The following GSAP variants were observed in gnomAD, a reference collection of about 807,000 sequenced individuals.
GSAP encodes gamma-secretase activating protein.
GSAP carries 118 observed loss-of-function variants against 131.7 expected under a neutral mutation model. The observed-to-expected ratio is 0.90, with a 90% CI of 0.77 to 1.04. The LOEUF (loss-of-function observed/expected upper bound fraction) is 1.04. GSAP is among the 50% of genes least tolerant of loss of function. The pLI is 0.00. For synonymous variants in GSAP, 381 were observed against 363.4 expected, an observed-to-expected ratio of 1.05 and a Z score of -0.55; for missense variants, 1,019 against 1,013.2, an observed-to-expected ratio of 1.01 and a Z score of -0.08.
At chr7:77,416,515 TGAGCCG>T (rs556655224), upstream of GSAP, 4 of 406,460 alleles carry the variant, frequency 9.8e-6, no homozygotes, top group South Asian at 6.0e-5. Flanking sequence ...GGCCCGCACC[TGAGCCG>T]GAGCCGGAGC....
rs764896855 is a variant in GSAP at position 77,376,847 on chromosome 7, C to G, written c.741+1G>C. ...GTAGTGTGATCATTTTCTGGACTTACCATTAAGTTATAGCTCTCATCAGCA... is the reference window on the plus strand; with the variant it reads ...GTAGTGTGATCATTTTCTGGACTTAGCATTAAGTTATAGCTCTCATCAGCA... On this transcript the variant is annotated splice_donor_variant, in intron 10 of 30. Transcript: ENST00000257626. LOFTEE classifies it high-confidence loss of function. 2.9e-6 allele frequency: 4 copies of G among 1,385,018 alleles called. No homozygotes were observed. The highest frequency in any genetic ancestry group is 4.0e-6 in the Non-Finnish European group (4 of 996,934). 85.8% of individuals were successfully genotyped at this position (1,385,018 alleles called of 1,614,324 possible).
chr7:77,415,811 A>G (rs1206113690), intron 1 of GSAP: 1 of 179,882 alleles, frequency 5.6e-6, no homozygotes, highest in Non-Finnish European at 1.2e-5. Flanking sequence ...TTCCAGGAGC[A>G]CTCCTGTCTT....
At position 77,312,230 on chromosome 7, in the gene GSAP, C is replaced by T. The variant is rs35791980; in HGVS notation, c.2272-28G>A. The T allele has an allele frequency of 6.4e-5, 72 of 1,120,594 alleles. No individual in the cohort carries two copies. The African/African-American group carries it at 9.0e-4, about 14-fold the overall frequency. 69.4% of individuals were successfully genotyped at this position (1,120,594 alleles called of 1,614,324 possible). Reference sequence around the variant, plus strand: ...ATTATGCAAATTGAAAAAAATGTAGCGAATACCACACACTATATTAAGTAA... The same window carrying T: ...ATTATGCAAATTGAAAAAAATGTAGTGAATACCACACACTATATTAAGTAA... On this transcript the variant is annotated intron_variant, in intron 28 of 30. Coordinates refer to ENST00000257626, the MANE Select transcript of GSAP (RefSeq NM_017439.4).
At chr7:77,319,317 C>A (rs1787297939) in intron 26 of GSAP, among the ~76,000 whole-genome samples, 1 of 152,122 alleles carries the variant, frequency 6.6e-6, no homozygotes, top group South Asian at 2.1e-4. Context: ...CACTAATCAT[C>A]AGGGAAATGC....
At chr7:77,315,887 G>A (rs1794915127) in intron 26 of GSAP, 2 of 152,200 alleles carry the variant, frequency 1.3e-5, no homozygotes, top group African/African-American at 4.8e-5. Flanking sequence ...GAGCAAAACA[G>A]GCACAACTGC....
intron 7 of GSAP, among the ~76,000 whole-genome samples, 181 bp downstream of exon 7, chr7:77,382,393 A>C (rs1401921984): frequency 6.6e-6 from 1 of 152,170 alleles, no homozygotes; most frequent in Admixed American, 6.5e-5. Flanking sequence ...GCCAAAGGGA[A>C]CACCACTTGG....
At chr7:77,392,626 A>G (rs2151104632) in intron 5 of GSAP, among the ~76,000 whole-genome samples, 1 of 152,268 alleles carries the variant, frequency 6.6e-6, no homozygotes, top group East Asian at 1.9e-4. Context: ...TCTGGATACC[A>G]CAAGGAGAGA....
intron 19 of GSAP, among the ~76,000 whole-genome samples, chr7:77,339,169 A>C (rs1310133121): frequency 6.6e-6 from 1 of 152,202 alleles, no homozygotes; most frequent in East Asian, 1.9e-4. Context: ...AGGGTGGGAC[A>C]TGCTCATGCA....
chr7:77,360,336 G>A lies in GSAP; in HGVS notation c.1027+488C>T, dbSNP rs17152288. ...TCCTCATTATACTCAGGTTCCCTTC[G>A]CCATATTTACTCAATGAAAACAACT... On this transcript the variant is annotated intron_variant, in intron 14 of 30. Coordinates refer to ENST00000257626, the MANE Select transcript of GSAP (RefSeq NM_017439.4). Among the ~76,000 whole-genome samples the A allele has an allele frequency of 7.2e-3, 1,095 of 152,126 alleles. 17 individuals carry two copies. The highest frequency in any genetic ancestry group is 0.025 in the African/African-American group (1,025 of 41,490).
At chr7:77,328,420 G>C in intron 22 of GSAP, 186 bp downstream of exon 22, 1 of 1,304,960 alleles carries the variant, frequency 7.7e-7, no homozygotes. Flanking sequence ...GTCCCCGGAG[G>C]TCCTGGTGCC....
intron 14 of GSAP, 107 bp downstream of exon 14, chr7:77,360,717 T>C (rs566781918): frequency 4.6e-6 from 3 of 646,420 alleles, no homozygotes; most frequent in South Asian, 1.8e-5. Flanking sequence ...GTCATCACAA[T>C]CCGAGTCTCA....
intron 5 of GSAP, among the ~76,000 whole-genome samples, chr7:77,395,144 G>C (rs567503181): frequency 8.6e-5 from 13 of 151,486 alleles, no homozygotes; most frequent in Non-Finnish European, 1.5e-4. Context: ...TGTTCTGTGT[G>C]ACAGTCAGGC....
At chr7:77,396,821 T>G (rs1268338967) in intron 5 of GSAP, among the ~76,000 whole-genome samples, 161 bp downstream of exon 5, 1 of 152,186 alleles carries the variant, frequency 6.6e-6, no homozygotes, top group Non-Finnish European at 1.5e-5. Context: ...AAAAAAAATT[T>G]TTTTTAAGTC....
Position 77,330,282 on chromosome 7 carries a change from T to G in GSAP, c.1631A>C (p.Asn544Thr). ...GTGCCACTCTCTCCTGACCACACTG[T>G]TGTTATAGTGGAAGTGTGGCTTGGC... ...KYAKPHFHYN[N>T]SVVRREWHNL... is the part of the protein sequence containing the mutation. The change falls in exon 20 of 31, where the codon AAC becomes ACC. Residue 544 changes from asparagine to threonine, a missense_variant. Asn to Thr is a moderately conservative substitution (Grantham distance 65). Transcript: ENST00000257626. 1 of 1,613,640 alleles carries G rather than the reference T, an allele frequency of 6.2e-7. No homozygotes were observed.
At chr7:77,375,463 T>C (rs1002512116) in intron 10 of GSAP, among the ~76,000 whole-genome samples, 4 of 152,164 alleles carry the variant, frequency 2.6e-5, no homozygotes, top group African/African-American at 9.7e-5. Flanking sequence ...GGCCTGGGTG[T>C]CTTTAGAAGG....
At position 77,360,861 on chromosome 7, in the gene GSAP, C is replaced by A; in HGVS notation, c.990G>T (p.Gly330=). ...KTFTTSLENV[G]SHMTKGITFL... is the part of the protein sequence containing the mutation. Reference sequence around the variant, plus strand: ...AAGTAATGCCCTTTGTCATGTGTGACCCAACATTCTCAAGAGAAGTGGTGA... The same window carrying A: ...AAGTAATGCCCTTTGTCATGTGTGAACCAACATTCTCAAGAGAAGTGGTGA... Residue 330 remains glycine (G), a synonymous_variant, in exon 14 of 31, where the codon GGG becomes GGT. Transcript: ENST00000257626. 1 of 1,600,894 alleles carries A rather than the reference C, an allele frequency of 6.2e-7. No homozygotes were observed.
rs544610718 is a variant in GSAP at position 77,350,557 on chromosome 7, G to A, written c.1492-1153C>T. 9.0e-4 allele frequency among the ~76,000 whole-genome samples: 129 copies of A among 142,606 alleles called. 2 individuals carry two copies. The South Asian group carries it at 0.013, about 14-fold the overall frequency. 93.6% of individuals were successfully genotyped at this position (142,606 alleles called of 152,430 possible). On this transcript the variant is annotated intron_variant, in intron 18 of 30. Coordinates refer to ENST00000257626, the MANE Select transcript of GSAP (RefSeq NM_017439.4). ...TTGAGACCGACCTGGCCAACATGGTGAAACCCCGCTCTACTAAAAAAAAAA... is the reference window on the plus strand; with the variant it reads ...TTGAGACCGACCTGGCCAACATGGTAAAACCCCGCTCTACTAAAAAAAAAA...
intron 23 of GSAP, among the ~76,000 whole-genome samples, chr7:77,325,082 C>G (rs1009210714): frequency 1.2e-4 from 18 of 152,120 alleles, no homozygotes; most frequent in African/African-American, 4.1e-4. Context: ...TCCCAAAGTG[C>G]TGGGATAACA....
At position 77,334,579 on chromosome 7, in the gene GSAP, T is replaced by TAAAAAAAAAAAAAAAAAAAAAA. The variant is rs1200040086; in HGVS notation, c.1546-4213_1546-4212insTTTTTTTTTTTTTTTTTTTTTT. Among the ~76,000 whole-genome samples, 357 of 82,364 alleles carry TAAAAAAAAAAAAAAAAAAAAAA rather than the reference T, an allele frequency of 4.3e-3. 51 individuals are homozygous for TAAAAAAAAAAAAAAAAAAAAAA. Among genetic ancestry groups the TAAAAAAAAAAAAAAAAAAAAAA allele is most frequent in the Non-Finnish European group, 6.5e-3 (276 of 42,568 alleles). The allele number at this position is 82,364 out of a possible 152,430, so 54.0% of individuals were successfully genotyped here. On this transcript the variant is annotated intron_variant, in intron 19 of 30. Transcript: ENST00000257626. ...GCCCATGTATCCTGGAACTTAAAAT[T>TAAAAAAAAAAAAAAAAAAAAAA]TAAAAAAAAAAAAAAAAAAAAAAAA...
Sources: allele counts gnomAD v4.1 joint callset (sites outside exome capture counted in the v4.1 genomes callset), GRCh38; gene constraint gnomAD v4.1.1; transcripts MANE v1.5; gene names NCBI Gene and HGNC (gene_info 2026-07-23, HGNC 2026-07-21).